ZRANB3: variants seen among roughly 807,000 people sequenced by gnomAD.
The protein encoded by ZRANB3 is DNA annealing helicase and endonuclease ZRANB3.
Under a neutral mutation model 133.8 loss-of-function variants are expected in ZRANB3, and 125 were observed. The observed-to-expected ratio is 0.93, with a 90% CI of 0.81 to 1.08. The LOEUF is 1.08. Among genes scored for constraint, ZRANB3 ranks in the 50% least tolerant of loss-of-function variants. The pLI, the probability that ZRANB3 is intolerant of heterozygous loss-of-function variation, is 0.00. For synonymous variants in ZRANB3, 387 were observed against 432.7 expected (o/e 0.89, Z 1.31); for missense variants, 1,229 against 1,275.5 (o/e 0.96, Z 0.56).
At chr2:135,267,271 C>T (rs368715186) in intron 11 of ZRANB3, among the ~76,000 whole-genome samples, 14 of 152,126 alleles carry the variant, frequency 9.2e-5, no homozygotes, top group East Asian at 5.8e-4. Context: ...TGGGTACCTG[C>T]GGAGTTCTGA....
chr2:135,275,674 T>C lies in ZRANB3; in HGVS notation c.1048A>G (p.Met350Val), dbSNP rs367730497. ...KFLVFAHHLS[M>V]LQACTEAVIE... The stretch of plus-strand genomic sequence containing the variant: ...ACTGCTTCTGTGCAAGCTTGGAGCA[T>C]GCTTAAATGGTGAGCAAAAACCAGA... The change falls in exon 9 of 21, where the codon ATG becomes GTG. Residue 350 changes from methionine to valine, a missense_variant. By Grantham distance (21) the Met-to-Val change is conservative. Transcript: ENST00000264159. 5.6e-6 allele frequency: 9 copies of C among 1,607,538 alleles called. No individual in the cohort carries two copies. In the African/African-American group the frequency reaches 1.2e-4, roughly 21 times the overall value.
At chr2:135,421,856 T>G (rs1188262808) in intron 2 of ZRANB3, among the ~76,000 whole-genome samples, 1 of 151,562 alleles carries the variant, frequency 6.6e-6, no homozygotes, top group African/African-American at 2.4e-5. Flanking sequence ...CTTGTTCTCC[T>G]CCTTCTTGAA....
intron 15 of ZRANB3, among the ~76,000 whole-genome samples, chr2:135,220,718 A>G (rs953724997): frequency 1.3e-5 from 2 of 150,388 alleles, no homozygotes; most frequent in Non-Finnish European, 2.9e-5. Context: ...AAAAAAAAAA[A>G]TTGATATGTA....
In ZRANB3 at chr2:135,265,599, A is replaced by C; in HGVS notation, c.1474T>G (p.Phe492Val). 2 of 1,613,606 alleles carry C rather than the reference A, an allele frequency of 1.2e-6. No homozygotes were observed. Among genetic ancestry groups the C allele is most frequent in the Non-Finnish European group, 1.7e-6 (2 of 1,179,722 alleles). The change falls in exon 12 of 21, where the codon TTT becomes GTT. Residue 492 changes from phenylalanine (F) to valine (V), a missense_variant. By Grantham distance (50) the Phe-to-Val change is conservative (BLOSUM62 -1). Coordinates refer to ENST00000264159, the MANE Select transcript of ZRANB3 (RefSeq NM_032143.4). ...GDKEKWDFLQ[F>V]AEAWTPNDSS... ...TCATTTGGAGTCCAAGCTTCAGCAA[A>C]CTGCAGGAAATCCCATTTTTCCTTA...
intron 2 of ZRANB3, among the ~76,000 whole-genome samples, chr2:135,392,267 T>C (rs1181926695): frequency 6.9e-6 from 1 of 144,360 alleles, no homozygotes; most frequent in African/African-American, 2.6e-5. Flanking sequence ...TGAGCTATGA[T>C]TGTCCCACTG....
At chr2:135,504,901 A>T (rs1214848412) in intron 1 of ZRANB3, among the ~76,000 whole-genome samples, 1 of 152,188 alleles carries the variant, frequency 6.6e-6, no homozygotes, top group African/African-American at 2.4e-5. Flanking sequence ...ACATTTTCAT[A>T]TCACACCAGA....
intron 8 of ZRANB3, among the ~76,000 whole-genome samples, chr2:135,284,720 C>T (rs898073398): frequency 9.2e-5 from 14 of 152,310 alleles, no homozygotes; most frequent in Admixed American, 8.5e-4. Context: ...ATCCACCCAC[C>T]GCGGCCTCCC....
At chr2:135,226,518 G>A (rs1261974871) in intron 14 of ZRANB3, among the ~76,000 whole-genome samples, 3 of 152,208 alleles carry the variant, frequency 2.0e-5, no homozygotes, top group African/African-American at 7.2e-5. Flanking sequence ...ACTAGGTAAG[G>A]GGTAAATGCT....
At chr2:135,300,380 A>G (rs1682369361) in intron 8 of ZRANB3, among the ~76,000 whole-genome samples, 1 of 152,172 alleles carries the variant, frequency 6.6e-6, no homozygotes. Context: ...TAAAAAAACC[A>G]TCATCAGGTG....
intron 6 of ZRANB3, among the ~76,000 whole-genome samples, chr2:135,342,302 T>A (rs1179321875): frequency 6.7e-6 from 1 of 149,974 alleles, no homozygotes; most frequent in Non-Finnish European, 1.5e-5. Context: ...CCTCCCAAAG[T>A]GCTGGGATTA....
chr2:135,429,199 C>T (rs769009459), intron 2 of ZRANB3, among the ~76,000 whole-genome samples: 1 of 152,160 alleles, frequency 6.6e-6, no homozygotes, highest in South Asian at 2.1e-4. Context: ...CAATACTATA[C>T]AGCCATAAAA....
chr2:135,463,564 C>T (rs997647754), intron 2 of ZRANB3, among the ~76,000 whole-genome samples: 5 of 151,958 alleles, frequency 3.3e-5, no homozygotes, highest in African/African-American at 1.2e-4. Context: ...ATTCCAGGCA[C>T]CTGCCACCAC....
At chr2:135,357,288 G>C (rs1262118255) in intron 3 of ZRANB3, among the ~76,000 whole-genome samples, 2 of 151,606 alleles carry the variant, frequency 1.3e-5, no homozygotes, top group Non-Finnish European at 1.5e-5. Flanking sequence ...TTTTAGTAGA[G>C]ACAGGGTTTT....
intron 2 of ZRANB3, among the ~76,000 whole-genome samples, chr2:135,428,003 T>C (rs1019273847): frequency 1.4e-4 from 21 of 152,192 alleles, no homozygotes; most frequent in South Asian, 4.1e-4. Context: ...TAGCCATATG[T>C]AGAAGATTGA....
intron 8 of ZRANB3, among the ~76,000 whole-genome samples, chr2:135,300,771 T>A (rs887054275): frequency 6.6e-6 from 1 of 152,182 alleles, no homozygotes; most frequent in Admixed American, 6.5e-5. Context: ...ACCAGCATTG[T>A]TCATCTAGAT....
At chr2:135,207,278 G>T (rs1693909043) in intron 19 of ZRANB3, among the ~76,000 whole-genome samples, 156 bp downstream of exon 19, 1 of 152,098 alleles carries the variant, frequency 6.6e-6, no homozygotes, top group Admixed American at 6.5e-5. Context: ...CCAAAATGCT[G>T]TAAACTGTTA....
At chr2:135,275,886 G>A in intron 8 of ZRANB3, 131 bp from the exon 9 acceptor site, 1 of 652,490 alleles carries the variant, frequency 1.5e-6, no homozygotes, top group African/African-American at 1.9e-5. Context: ...TGTTCTCTAG[G>A]TAGCCTAAGG....
At chr2:135,401,862 A>G (rs1687747617) in intron 2 of ZRANB3, among the ~76,000 whole-genome samples, 2 of 152,214 alleles carry the variant, frequency 1.3e-5, no homozygotes, top group African/African-American at 2.4e-5. Flanking sequence ...AAGGAAGTAT[A>G]GGATATGAAT....
chr2:135,297,187 G>A (rs1682166887), intron 8 of ZRANB3, among the ~76,000 whole-genome samples: 1 of 152,230 alleles, frequency 6.6e-6, no homozygotes, highest in Non-Finnish European at 1.5e-5. Context: ...GGAGCCTACA[G>A]AGGCAGGCAG....
Sources: allele counts gnomAD v4.1 joint callset (sites outside exome capture counted in the v4.1 genomes callset), GRCh38; gene constraint gnomAD v4.1.1; transcripts MANE v1.5; gene names NCBI Gene and HGNC (gene_info 2026-07-23, HGNC 2026-07-21).